ARHGEF10: variants seen among roughly 807,000 people sequenced by gnomAD.
The protein encoded by ARHGEF10 is Rho guanine nucleotide exchange factor (GEF) 10.
ARHGEF10 carries 140 observed loss-of-function variants against 147.4 expected under a neutral mutation model. The ratio of observed to expected loss-of-function variants is 0.95; its 90% CI spans 0.83 to 1.09. The LOEUF is 1.09. Ranked by LOEUF, ARHGEF10 falls within the 50% of genes least tolerant of loss-of-function variation. The probability of loss-of-function intolerance (pLI) is 0.00; values close to 1 mark genes in which losing one functional copy is unlikely to be tolerated. For synonymous variants in ARHGEF10, 902 were observed against 695.8 expected (o/e 1.30, Z -4.67); for missense variants, 2,222 against 1,752.7 (o/e 1.27, Z -4.78).
At chr8:1,929,861 G>C (rs910727461) in intron 25 of ARHGEF10, among the ~76,000 whole-genome samples, 6 of 152,176 alleles carry the variant, frequency 3.9e-5, no homozygotes, top group African/African-American at 9.6e-5. Flanking sequence ...GGTCCCTGCT[G>C]TTCTCTTGGC....
intron 28 of ARHGEF10, among the ~76,000 whole-genome samples, chr8:1,953,782 T>G (rs1010895933): frequency 2.0e-5 from 3 of 152,172 alleles, no homozygotes; most frequent in Non-Finnish European, 2.9e-5. Flanking sequence ...CTCCTCGTCC[T>G]GTTAAGTTCA....
intron 26 of ARHGEF10, 33 bp from the exon 27 acceptor site, chr8:1,945,448 G>A (rs774868808): frequency 1.3e-5 from 20 of 1,559,988 alleles, no homozygotes; most frequent in African/African-American, 2.7e-5. Context: ...CTCACTCCAC[G>A]GGGCTAGCAG....
chr8:1,864,660 C>T (rs1028472989), intron 5 of ARHGEF10, among the ~76,000 whole-genome samples: 3 of 152,220 alleles, frequency 2.0e-5, no homozygotes, highest in Non-Finnish European at 4.4e-5. Context: ...TGATTTCAGG[C>T]GTCCAGGTGT....
chr8:1,855,152 A>T (rs1158110836), intron 2 of ARHGEF10, among the ~76,000 whole-genome samples: 2 of 152,178 alleles, frequency 1.3e-5, no homozygotes, highest in Non-Finnish European at 2.9e-5. Flanking sequence ...CTCCCCTTGC[A>T]GATATTTGAG....
At chr8:1,829,176 T>C (rs1244768393) in intron 1 of ARHGEF10, among the ~76,000 whole-genome samples, 1 of 152,252 alleles carries the variant, frequency 6.6e-6, no homozygotes, top group Non-Finnish European at 1.5e-5. Flanking sequence ...CCCGACAGGA[T>C]ACCTGCGTGG....
At chr8:1,826,816 C>T (rs1375444497) in intron 1 of ARHGEF10, among the ~76,000 whole-genome samples, 1 of 152,230 alleles carries the variant, frequency 6.6e-6, no homozygotes, top group Non-Finnish European at 1.5e-5. Context: ...ATCTGTGTTT[C>T]ATGCGTGCGT....
chr8:1,884,296 T>C (rs1045745196), intron 10 of ARHGEF10, among the ~76,000 whole-genome samples: 3 of 151,220 alleles, frequency 2.0e-5, no homozygotes, highest in Non-Finnish European at 2.9e-5. Context: ...CTCAGGAGGC[T>C]GAGGCAGGAG....
intron 15 of ARHGEF10, among the ~76,000 whole-genome samples, chr8:1,900,329 A>G (rs887352839): frequency 3.2e-4 from 49 of 152,292 alleles, no homozygotes; most frequent in African/African-American, 1.1e-3. Flanking sequence ...CCACGTTTCC[A>G]TCCACCTTCA....
intron 7 of ARHGEF10, chr8:1,870,484 T>C (rs1807021203): frequency 6.6e-6 from 1 of 152,120 alleles, no homozygotes; most frequent in Non-Finnish European, 1.5e-5. Context: ...AATCCTCAGA[T>C]TGGATAAAAT....
At chr8:1,955,472 A>T (rs112422437) in intron 28 of ARHGEF10, among the ~76,000 whole-genome samples, 1,018 of 90,820 alleles carry the variant, frequency 0.011, no homozygotes, top group East Asian at 0.023. Flanking sequence ...GGTAGCTAGG[A>T]GCATCCTGAA....
At position 1,860,194 on chromosome 8, in the gene ARHGEF10, C is replaced by A; in HGVS notation, c.481+10C>A. On this transcript the variant is annotated intron_variant, in intron 4 of 28. Coordinates refer to ENST00000349830, the MANE Select transcript of ARHGEF10 (RefSeq NM_014629.4). ...TCCCTGGACGAAGAAGGTACTGCTA[C>A]CCTCCTCTCCACGCCCCCGAAGTGG... 1 of 1,610,962 alleles carries A rather than the reference C, an allele frequency of 6.2e-7. No individual in the cohort carries two copies. The highest frequency in any genetic ancestry group is 8.5e-7 in the Non-Finnish European group (1 of 1,179,828).
intron 18 of ARHGEF10, among the ~76,000 whole-genome samples, chr8:1,913,622 C>T (rs531591034): frequency 3.9e-5 from 6 of 152,322 alleles, no homozygotes; most frequent in South Asian, 2.1e-4. Context: ...ACCAGCGTCC[C>T]GTCCCTGCAC....
At chr8:1,886,389 A>G (rs535435097) in intron 11 of ARHGEF10, among the ~76,000 whole-genome samples, 1 of 152,328 alleles carries the variant, frequency 6.6e-6, no homozygotes, top group Non-Finnish European at 1.5e-5. Context: ...GGATCTGGGG[A>G]GATCCCTGAT....
At chr8:1,873,261 C>T (rs1284701283) in intron 7 of ARHGEF10, among the ~76,000 whole-genome samples, 3 of 152,238 alleles carry the variant, frequency 2.0e-5, no homozygotes, top group East Asian at 1.9e-4. Context: ...AGCCTGGTGG[C>T]TGCAGGAGGG....
chr8:1,929,329 C>G lies in ARHGEF10; in HGVS notation c.2965C>G (p.Leu989Val). The G allele has an allele frequency of 6.2e-7, 1 of 1,614,084 alleles. No individual in the cohort carries two copies. Residue 989 changes from leucine to valine, a missense_variant, in exon 25 of 29, where the codon CTT becomes GTT. Leu to Val is a conservative substitution (Grantham distance 32, BLOSUM62 1). Coordinates refer to ENST00000349830, the MANE Select transcript of ARHGEF10 (RefSeq NM_014629.4). ...KSSQGSKKVRLQHFFTPEKST... is the reference protein window; with the variant it reads ...KSSQGSKKVRVQHFFTPEKST... The stretch of plus-strand genomic sequence containing the variant: ...CAGTCAAGGCTCCAAGAAAGTGAGA[C>G]TTCAGCACTTTTTCACTCCTGAGAA...
At chr8:1,882,298 T>C (rs1808268201) in intron 9 of ARHGEF10, among the ~76,000 whole-genome samples, 1 of 152,186 alleles carries the variant, frequency 6.6e-6, no homozygotes, top group Admixed American at 6.5e-5. Context: ...AGTTAGTTGT[T>C]TTGCCATTTA....
chr8:1,896,471 T>G, intron 14 of ARHGEF10, 22 bp downstream of exon 14: 3 of 1,548,736 alleles, frequency 1.9e-6, no homozygotes, highest in Non-Finnish European at 2.7e-6. Context: ...TTTTTTTCAT[T>G]TGGGTTTTAA....
chr8:1,904,744 G>T (rs1810746834), intron 16 of ARHGEF10, among the ~76,000 whole-genome samples: 1 of 152,176 alleles, frequency 6.6e-6, no homozygotes, highest in South Asian at 2.1e-4. Context: ...GTTGCTCAGA[G>T]CTGGGCAGCA....
chr8:1,848,262 G>A (rs1043724072), intron 2 of ARHGEF10, among the ~76,000 whole-genome samples: 1 of 152,202 alleles, frequency 6.6e-6, no homozygotes, highest in Admixed American at 6.5e-5. Flanking sequence ...GGCTTTGTAC[G>A]CGCCACACGG....
Sources: allele counts gnomAD v4.1 joint callset (sites outside exome capture counted in the v4.1 genomes callset), GRCh38; gene constraint gnomAD v4.1.1; transcripts MANE v1.5; gene names NCBI Gene and HGNC (gene_info 2026-07-23, HGNC 2026-07-21).